The following NAA60 variants were observed in gnomAD, a reference collection of about 807,000 sequenced individuals.
The protein encoded by NAA60 is N-alpha-acetyltransferase 60, NatF catalytic subunit, also known as N-alpha-acetyltransferase 60.
Under a neutral mutation model 26.1 loss-of-function variants are expected in NAA60, and 8 were observed. That is an observed-to-expected ratio of 0.31 (90% CI 0.18 to 0.55). NAA60 has a LOEUF of 0.55. NAA60 is among the 20% of genes least tolerant of loss of function. NAA60 has a pLI of 0.93. For synonymous variants in NAA60, 131 were observed against 122.5 expected (o/e 1.07, Z -0.46); for missense variants, 290 against 311.3 (o/e 0.93, Z 0.51).
intron 2 of NAA60, among the ~76,000 whole-genome samples, chr16:3,457,716 G>C (rs892272807): frequency 6.6e-6 from 1 of 152,224 alleles, no homozygotes; most frequent in Non-Finnish European, 1.5e-5. Context: ...CTGTGCGGGG[G>C]GGCCACTCGG....
intron 2 of NAA60, chr16:3,448,784 A>C: frequency 2.5e-6 from 1 of 396,236 alleles, no homozygotes; most frequent in Non-Finnish European, 4.6e-6. Flanking sequence ...TTAAACTATA[A>C]AGAAGTAAAC....
At chr16:3,463,580 C>T (rs2035553521) in intron 2 of NAA60, among the ~76,000 whole-genome samples, 1 of 145,728 alleles carries the variant, frequency 6.9e-6, no homozygotes, top group Non-Finnish European at 1.5e-5. Context: ...AAAATGCAAG[C>T]TGGCGCGGAT....
rs1226506255 is a variant in NAA60 at position 3,485,826 on chromosome 16, G to T, written c.*566G>T. The T allele has an allele frequency of 1.6e-5, 6 of 368,304 alleles. No homozygotes were observed. The highest frequency in any genetic ancestry group is 1.3e-4 in the African/African-American group (6 of 47,028). 22.8% of individuals were successfully genotyped at this position (368,304 alleles called of 1,614,324 possible). ...CCACTCCTCCATGAGGGGCTGATGA[G>T]GGGTGGGCAGCCTGGGGGAGGCTTT... On this transcript the variant is annotated 3_prime_UTR_variant, in exon 8 of 8. Transcript: ENST00000407558.
chr16:3,456,005 C>G (rs970818647), intron 2 of NAA60, among the ~76,000 whole-genome samples: 8 of 151,788 alleles, frequency 5.3e-5, no homozygotes, highest in African/African-American at 1.5e-4. Flanking sequence ...GCGCCCTGCC[C>G]AAAAAAAGAG....
chr16:3,474,697 C>T (rs2036367211), intron 2 of NAA60, among the ~76,000 whole-genome samples: 1 of 152,240 alleles, frequency 6.6e-6, no homozygotes, highest in Admixed American at 6.5e-5. Flanking sequence ...CAGGGGCTTG[C>T]CTCCACACCT....
At chr16:3,474,597 C>T (rs993215198) in intron 2 of NAA60, among the ~76,000 whole-genome samples, 1 of 152,222 alleles carries the variant, frequency 6.6e-6, no homozygotes, top group African/African-American at 2.4e-5. Flanking sequence ...GGCGGGAGCT[C>T]AGAGAGGCTG....
rs146648462 is a variant in NAA60 at position 3,484,324 on chromosome 16, C to A, written c.573-375C>A. Among the ~76,000 whole-genome samples the A allele has an allele frequency of 6.0e-3, 908 of 152,326 alleles. 15 individuals are homozygous for A. The highest frequency in any genetic ancestry group is 0.02 in the African/African-American group (842 of 41,572). ...AGGGGGTCAGCACTGTTGACCCCCT[C>A]CTTGTCATATGGACAGGGCTCTGTC... On this transcript the variant is annotated intron_variant, in intron 6 of 7. Transcript: ENST00000407558.
At chr16:3,448,947 G>A (rs2034662221) in intron 2 of NAA60, 1 of 163,370 alleles carries the variant, frequency 6.1e-6, no homozygotes, top group Non-Finnish European at 1.3e-5. Flanking sequence ...GTCATCCTGT[G>A]CCACCTCTGG....
chr16:3,475,736 G>T (rs981751163), intron 2 of NAA60, among the ~76,000 whole-genome samples: 3 of 152,170 alleles, frequency 2.0e-5, no homozygotes, highest in Non-Finnish European at 2.9e-5. Flanking sequence ...TCATAAAGCC[G>T]CACCATTTCC....
intron 2 of NAA60, among the ~76,000 whole-genome samples, chr16:3,460,368 G>A (rs183810082): frequency 5.7e-4 from 86 of 149,954 alleles, no homozygotes; most frequent in African/African-American, 2.0e-3. Flanking sequence ...TTTTGTTGTC[G>A]TTGTTGTTTT....
At chr16:3,481,977 C>T (rs1302698918) in intron 4 of NAA60, among the ~76,000 whole-genome samples, 1 of 152,140 alleles carries the variant, frequency 6.6e-6, no homozygotes, top group Admixed American at 6.5e-5. Flanking sequence ...GGTGGCTTTA[C>T]GCAGGTGTGG....
At chr16:3,451,959 G>A (rs1286316094) in intron 2 of NAA60, among the ~76,000 whole-genome samples, 1 of 150,046 alleles carries the variant, frequency 6.7e-6, no homozygotes, top group Non-Finnish European at 1.5e-5. Context: ...AGTAATCCCA[G>A]AATCCCAGCA....
chr16:3,484,702 C>T lies in NAA60; in HGVS notation c.576C>T (p.Asp192=), dbSNP rs1317254742. Residue 192 remains aspartate (D), a synonymous_variant, in exon 7 of 8, where the codon GAC becomes GAT. Transcript: ENST00000407558. ...ATCTTCCTTAACAGAGCCCCACGGA[C>T]TACATCCAGCACCTGGGCTCTGCAC... ...NGGHPPWTIL[D]YIQHLGSALA... 6.3e-7 allele frequency: 1 copy of T among 1,590,232 alleles called. No homozygotes were observed. Among genetic ancestry groups the T allele is most frequent in the Non-Finnish European group, 8.6e-7 (1 of 1,169,442 alleles).
intron 2 of NAA60, among the ~76,000 whole-genome samples, chr16:3,470,707 C>T (rs992368973): frequency 3.9e-5 from 6 of 152,242 alleles, no homozygotes; most frequent in South Asian, 2.1e-4. Context: ...GGATCATCTC[C>T]GACTTGATCA....
rs571465339 is a variant in NAA60 at position 3,483,650 on chromosome 16, C to T, written c.572+53C>T. ...CTGTGGCTTCCTGTCCATAAGGTGG[C>T]AGAGCCAGTGAGCAAGTTGGAGCTG... On this transcript the variant is annotated intron_variant, in intron 6 of 7. Transcript: ENST00000407558. 5 of 1,430,984 alleles carry T rather than the reference C, an allele frequency of 3.5e-6. No homozygotes were observed. In the East Asian group the frequency reaches 6.8e-5, roughly 20 times the overall value. 88.6% of individuals were successfully genotyped at this position (1,430,984 alleles called of 1,614,324 possible). A position where few individuals can be genotyped will look rare whatever the true frequency, so the allele number is the denominator to read the frequency against.
At chr16:3,476,583 A>G (rs575433913) in intron 3 of NAA60, among the ~76,000 whole-genome samples, 6 of 152,318 alleles carry the variant, frequency 3.9e-5, no homozygotes, top group Admixed American at 3.3e-4. Context: ...TTACAGAGCT[A>G]TCGGGTGTGG....
chr16:3,447,776 C>T (rs190188523), intron 1 of NAA60, among the ~76,000 whole-genome samples: 93 of 152,334 alleles, frequency 6.1e-4, no homozygotes, highest in African/African-American at 2.1e-3. Context: ...AAGAGGCTCA[C>T]ACAGTTTTGA....
chr16:3,443,819 A>G lies in NAA60; in HGVS notation c.-95A>G, dbSNP rs1398630572. ...AGACTGGGAGACACCGGAACTCGAA[A>G]GAAAATCGGTAACAAAATGTGGGTT... On this transcript the variant is annotated 5_prime_UTR_variant, in exon 1 of 8. Transcript: ENST00000407558. The G allele has an allele frequency of 4.6e-6, 7 of 1,534,860 alleles. No individual in the cohort carries two copies. Among genetic ancestry groups the G allele is most frequent in the South Asian group, 2.4e-5 (2 of 83,988 alleles).
At chr16:3,450,011 A>G (rs1366035459) in intron 2 of NAA60, 2 of 392,824 alleles carry the variant, frequency 5.1e-6, no homozygotes, top group African/African-American at 2.1e-5. Context: ...CAGTGTGAAA[A>G]CAGACTAATA....
Sources: allele counts gnomAD v4.1 joint callset (sites outside exome capture counted in the v4.1 genomes callset), GRCh38; gene constraint gnomAD v4.1.1; transcripts MANE v1.5; gene names NCBI Gene and HGNC (gene_info 2026-07-23, HGNC 2026-07-21).